CACNA1E: variants seen among roughly 807,000 people sequenced by gnomAD.
CACNA1E encodes voltage-dependent R-type calcium channel subunit alpha-1E.
A neutral mutation model predicts 259.2 loss-of-function variants in CACNA1E; 40 were observed. The ratio of observed to expected loss-of-function variants is 0.15; its 90% CI spans 0.12 to 0.20. The LOEUF (loss-of-function observed/expected upper bound fraction) is 0.20, where lower values mean the gene tolerates loss of function less well. CACNA1E is among the 10% of genes least tolerant of loss of function. The pLI is 1.00. For synonymous variants in CACNA1E, 1,104 were observed against 1,138.5 expected, an observed-to-expected ratio of 0.97 and a Z score of 0.61; for missense variants, 1,874 against 3,040.1, an observed-to-expected ratio of 0.62 and a Z score of 9.02.
At chr1:181,326,881 C>CTA (rs1469854560) in intron 1 of CACNA1E, among the ~76,000 whole-genome samples, 1 of 152,202 alleles carries the variant, frequency 6.6e-6, no homozygotes, top group East Asian at 1.9e-4. Context: ...TCATTTGTGA[C>CTA]TCTTGTTCCT....
intron 1 of CACNA1E, among the ~76,000 whole-genome samples, chr1:181,345,758 C>A (rs1452933123): frequency 6.6e-6 from 1 of 152,220 alleles, no homozygotes; most frequent in Admixed American, 6.5e-5. Flanking sequence ...TTGCTCATTT[C>A]CCCGCTTCTT....
chr1:181,515,784 C>T (rs917659953), intron 3 of CACNA1E, among the ~76,000 whole-genome samples: 8 of 152,112 alleles, frequency 5.3e-5, no homozygotes, highest in South Asian at 4.1e-4. Flanking sequence ...GAAATGAAGG[C>T]GAGGACTGTG....
intron 1 of CACNA1E, among the ~76,000 whole-genome samples, chr1:181,409,134 T>C (rs1278415873): frequency 6.6e-6 from 1 of 152,228 alleles, no homozygotes; most frequent in Non-Finnish European, 1.5e-5. Context: ...TTACATATTC[T>C]CTGGCTGCTT....
At chr1:181,657,031 G>A (rs746569244) in intron 7 of CACNA1E, among the ~76,000 whole-genome samples, 10 of 152,018 alleles carry the variant, frequency 6.6e-5, no homozygotes, top group Admixed American at 2.0e-4. Context: ...TACCCCTTTT[G>A]TTAAGCCATA....
chr1:181,476,546 G>A (rs1037561503), intron 2 of CACNA1E, among the ~76,000 whole-genome samples: 1 of 152,162 alleles, frequency 6.6e-6, no homozygotes, highest in African/African-American at 2.4e-5. Context: ...GTAGGGAGTG[G>A]ATCAAGACCA....
intron 1 of CACNA1E, among the ~76,000 whole-genome samples, chr1:181,369,434 A>G (rs989328792): frequency 6.6e-6 from 1 of 152,274 alleles, no homozygotes; most frequent in Non-Finnish European, 1.5e-5. Flanking sequence ...TTTTCTAGAC[A>G]TTAACTAAGG....
chr1:181,588,364 C>T (rs1341371579), intron 6 of CACNA1E, among the ~76,000 whole-genome samples: 1 of 152,194 alleles, frequency 6.6e-6, no homozygotes, highest in Non-Finnish European at 1.5e-5. Flanking sequence ...CTCTCTAAAC[C>T]CTACAGTGCC....
intron 44 of CACNA1E, among the ~76,000 whole-genome samples, chr1:181,791,550 T>C (rs781466592): frequency 6.6e-6 from 1 of 152,172 alleles, no homozygotes; most frequent in Non-Finnish European, 1.5e-5. Context: ...GAGATTCAAG[T>C]TTTGGCTTAG....
At chr1:181,668,546 T>C (rs1196186718) in intron 7 of CACNA1E, among the ~76,000 whole-genome samples, 11 of 152,166 alleles carry the variant, frequency 7.2e-5, no homozygotes, top group African/African-American at 2.4e-4. Context: ...TAAGTGCATG[T>C]TTAGTTTTAT....
chr1:181,652,490 G>A (rs945116294), intron 7 of CACNA1E, among the ~76,000 whole-genome samples: 21 of 152,150 alleles, frequency 1.4e-4, no homozygotes, highest in Admixed American at 3.9e-4. Flanking sequence ...GATGAAAGAT[G>A]TCAACAACAT....
chr1:181,332,672 T>C (rs1651379653), intron 1 of CACNA1E, among the ~76,000 whole-genome samples: 1 of 152,244 alleles, frequency 6.6e-6, no homozygotes, highest in Non-Finnish European at 1.5e-5. Flanking sequence ...TGAAGGAGAC[T>C]TGACAGATGT....
chr1:181,716,104 G>A lies in CACNA1E; in HGVS notation c.1290G>A (p.Glu430=). ...TEAMTRDSSD[E]HCVDISSVGT... ...CCATGACTCGAGACTCCAGTGATGA[G>A]CACTGTGTTGATATCTCCTCTGTGG... The change falls in exon 10 of 48, where the codon GAG becomes GAA. Residue 430 remains glutamate (E), a synonymous_variant. Transcript: ENST00000367573. The A allele has an allele frequency of 6.4e-7, 1 of 1,568,796 alleles. No homozygotes were observed. The highest frequency in any genetic ancestry group is 8.7e-7 in the Non-Finnish European group (1 of 1,155,858).
chr1:181,569,171 C>A (rs563565133), intron 3 of CACNA1E, among the ~76,000 whole-genome samples: 3 of 152,348 alleles, frequency 2.0e-5, no homozygotes, highest in African/African-American at 7.2e-5. Flanking sequence ...ATGTATGTCT[C>A]TTTCATTAAG....
intron 3 of CACNA1E, among the ~76,000 whole-genome samples, chr1:181,516,510 T>C (rs1411853113): frequency 6.6e-6 from 1 of 152,184 alleles, no homozygotes; most frequent in African/African-American, 2.4e-5. Context: ...AAATGGTTGG[T>C]ATAAGGTAAA....
intron 38 of CACNA1E, among the ~76,000 whole-genome samples, chr1:181,780,977 C>T (rs994945931): frequency 9.2e-5 from 14 of 152,110 alleles, no homozygotes; most frequent in Admixed American, 2.6e-4. Flanking sequence ...GCTGGAGCAC[C>T]GTCTATCCGG....
chr1:181,547,540 C>G (rs1647623542), intron 3 of CACNA1E, among the ~76,000 whole-genome samples: 3 of 152,244 alleles, frequency 2.0e-5, no homozygotes, highest in Non-Finnish European at 2.9e-5. Flanking sequence ...GGGGCAGTAA[C>G]TTGCCACTGA....
rs185787377 is a variant in CACNA1E, at chr1:181,320,337, G to A, written c.-15+2214G>A. ...TTTACTTCCTTGCTTGTGTGAGGGA[G>A]TGATGAGGACTCTTACGGATGTGTC... is the stretch of plus-strand genomic sequence containing the variant. On this transcript the variant is annotated intron_variant, in intron 1 of 11. Transcript: ENST00000524607. 1.6e-3 allele frequency among the ~76,000 whole-genome samples: 243 copies of A among 152,296 alleles called. 1 individual carries two copies. The highest frequency in any genetic ancestry group is 5.6e-3 in the Admixed American group (85 of 15,310).
chr1:181,583,410 A>G (rs1033843360), intron 6 of CACNA1E, among the ~76,000 whole-genome samples: 5 of 152,126 alleles, frequency 3.3e-5, no homozygotes, highest in African/African-American at 1.2e-4. Context: ...GGGATCCCCT[A>G]TTTCCCAGCC....
Position 181,696,980 on chromosome 1 carries a change from A to G in CACNA1E, c.1056-13974A>G, listed in dbSNP as rs147007390. ...TGCACATAATAAGAATGTGAATTTA[A>G]TGCCTTCTTTATAGCCTCATTTCTC... On this transcript the variant is annotated intron_variant, in intron 7 of 47. Transcript: ENST00000367573. Among the ~76,000 whole-genome samples, 1,453 of 152,290 alleles carry G rather than the reference A, an allele frequency of 9.5e-3. 55 individuals are homozygous for G. The South Asian group carries it at 0.13, about 13-fold the overall frequency.
Sources: allele counts gnomAD v4.1 joint callset (sites outside exome capture counted in the v4.1 genomes callset), GRCh38; gene constraint gnomAD v4.1.1; transcripts MANE v1.5; gene names NCBI Gene and HGNC (gene_info 2026-07-23, HGNC 2026-07-21).